The following SHISA9 variants were observed in gnomAD, a reference collection of about 807,000 sequenced individuals.
SHISA9 encodes shisa family member 9, also known as protein shisa-9.
A neutral mutation model predicts 38.0 loss-of-function variants in SHISA9; 13 were observed. The observed-to-expected ratio is 0.34, with a 90% CI of 0.22 to 0.54. The LOEUF (loss-of-function observed/expected upper bound fraction) is 0.54. Ranked by LOEUF, SHISA9 falls within the 20% of genes least tolerant of loss-of-function variation. SHISA9 has a pLI of 0.91. For missense variants in SHISA9, 538 were observed against 575.8 expected, an observed-to-expected ratio of 0.93 and a Z score of 0.67; for synonymous variants, 275 against 242.0, an observed-to-expected ratio of 1.14 and a Z score of -1.27.
intron 2 of SHISA9, among the ~76,000 whole-genome samples, chr16:13,161,941 A>G (rs1355898794): frequency 6.6e-6 from 1 of 152,208 alleles, no homozygotes; most frequent in African/African-American, 2.4e-5. Context: ...ATTTTTCTGC[A>G]TCCATTGAAA....
At chr16:13,414,212 A>G in the SHISA9 span, among the ~76,000 whole-genome samples, 1 of 152,354 alleles carries the variant, frequency 6.6e-6, no homozygotes, top group Non-Finnish European at 1.5e-5. Context: ...TTAATTTAGT[A>G]AACAGGAGGA....
At chr16:13,019,761 TTCTTTTC>T (rs1286759749) in intron 2 of SHISA9, among the ~76,000 whole-genome samples, 2 of 148,580 alleles carry the variant, frequency 1.3e-5, no homozygotes, top group South Asian at 2.2e-4. Context: ...TTTCTTTTCT[TTCTTTTC>T]TTTCTTTCTT....
the SHISA9 span, among the ~76,000 whole-genome samples, chr16:13,412,098 C>T: frequency 7.3e-4 from 111 of 151,842 alleles, no homozygotes; most frequent in Non-Finnish European, 1.3e-3. Context: ...GGCCTATTCT[C>T]GAATGTAAGT....
intron 2 of SHISA9, among the ~76,000 whole-genome samples, chr16:13,048,015 C>T (rs1279114723): frequency 6.6e-6 from 1 of 152,144 alleles, no homozygotes; most frequent in Non-Finnish European, 1.5e-5. Context: ...TTTCAGCATC[C>T]AGGATTCCTG....
chr16:12,933,771 C>A (rs1021885312), intron 2 of SHISA9, among the ~76,000 whole-genome samples: 1 of 152,084 alleles, frequency 6.6e-6, no homozygotes, highest in African/African-American at 2.4e-5. Flanking sequence ...TTCAACAAAT[C>A]TTTTTCTTGT....
At position 13,239,333 on chromosome 16, in the gene SHISA9, G is replaced by A. The variant is rs1386588477; in HGVS notation, c.*3924G>A. On this transcript the variant is annotated 3_prime_UTR_variant, in exon 5 of 5. Coordinates refer to ENST00000558583, the MANE Select transcript of SHISA9 (RefSeq NM_001145204.3). ...TGTCTTTATAGCAGCATGATTTATA[G>A]TCCTTTGGGTATATACCCAGTAATG... 2.0e-5 allele frequency: 3 copies of A among 150,788 alleles called. No homozygotes were observed. The highest frequency in any genetic ancestry group is 4.4e-5 in the Non-Finnish European group (3 of 67,700). 9.3% of individuals were successfully genotyped at this position (150,788 alleles called of 1,614,324 possible).
chr16:13,163,357 C>G (rs2050611515), intron 2 of SHISA9, among the ~76,000 whole-genome samples: 1 of 152,122 alleles, frequency 6.6e-6, no homozygotes, highest in Non-Finnish European at 1.5e-5. Context: ...CCAAAGTTGT[C>G]TTGGCTCTTA....
chr16:13,087,974 A>T (rs2073732232), intron 2 of SHISA9, among the ~76,000 whole-genome samples: 1 of 152,156 alleles, frequency 6.6e-6, no homozygotes, highest in South Asian at 2.1e-4. Flanking sequence ...TTAAGTCTTT[A>T]ATCCATCTTG....
chr16:13,259,245 A>C, the SHISA9 span, among the ~76,000 whole-genome samples: 1 of 152,252 alleles, frequency 6.6e-6, no homozygotes, highest in East Asian at 1.9e-4. Flanking sequence ...CTTTGACTCC[A>C]GGTCTCACAT....
At chr16:13,547,461 A>G in the SHISA9 span, among the ~76,000 whole-genome samples, 1 of 152,184 alleles carries the variant, frequency 6.6e-6, no homozygotes, top group African/African-American at 2.4e-5. Context: ...GAATAAGGAA[A>G]AATGGTGTTG....
chr16:13,313,981 G>A, the SHISA9 span, among the ~76,000 whole-genome samples: 1 of 152,126 alleles, frequency 6.6e-6, no homozygotes, highest in African/African-American at 2.4e-5. Context: ...GTATCAAAAA[G>A]GAAGGTTTGG....
intron 2 of SHISA9, among the ~76,000 whole-genome samples, chr16:13,033,692 G>C (rs1239916666): frequency 6.6e-6 from 1 of 152,164 alleles, no homozygotes; most frequent in African/African-American, 2.4e-5. Flanking sequence ...TGGGTTGGGA[G>C]ACCAATAGGA....
At chr16:13,542,809 C>A in the SHISA9 span, among the ~76,000 whole-genome samples, 125,260 of 152,124 alleles carry the variant, frequency 0.82, 51,784 homozygotes, top group East Asian at 0.99. Context: ...AGGTATTCCA[C>A]CATCAGGGAT....
At chr16:13,359,788 A>C in the SHISA9 span, among the ~76,000 whole-genome samples, 3 of 152,186 alleles carry the variant, frequency 2.0e-5, no homozygotes, top group Admixed American at 6.5e-5. Flanking sequence ...TTCACTGTGC[A>C]CGGGTTACCA....
intron 2 of SHISA9, among the ~76,000 whole-genome samples, chr16:13,142,545 T>C: frequency 6.6e-6 from 1 of 152,200 alleles, no homozygotes; most frequent in Non-Finnish European, 1.5e-5. Context: ...AGTCTTCATA[T>C]AGAGTTGTCT....
the SHISA9 span, among the ~76,000 whole-genome samples, chr16:13,249,750 C>A: frequency 6.6e-6 from 1 of 152,040 alleles, no homozygotes; most frequent in Admixed American, 6.6e-5. Context: ...TATTTTACTT[C>A]TTAGAAACAA....
chr16:13,042,887 TG>T (rs1436170218), intron 2 of SHISA9, among the ~76,000 whole-genome samples: 1 of 152,226 alleles, frequency 6.6e-6, no homozygotes, highest in African/African-American at 2.4e-5. Flanking sequence ...GAAGCATCCC[TG>T]GCACACGGTA....
At chr16:13,289,571 A>AT in the SHISA9 span, among the ~76,000 whole-genome samples, 1 of 152,082 alleles carries the variant, frequency 6.6e-6, no homozygotes, top group Non-Finnish European at 1.5e-5. Flanking sequence ...ATCAGACAAT[A>AT]TATTAGCAGT....
the SHISA9 span, among the ~76,000 whole-genome samples, chr16:13,353,151 G>A: frequency 1.3e-5 from 2 of 152,148 alleles, no homozygotes; most frequent in Non-Finnish European, 2.9e-5. Flanking sequence ...TGGGGGCGGT[G>A]TGGGAACCTA....
Sources: gnomAD v4.1 joint callset for allele counts (sites outside exome capture counted in the v4.1 genomes callset) on GRCh38, gnomAD v4.1.1 for gene constraint, MANE v1.5 for transcripts, NCBI Gene and HGNC (gene_info 2026-07-23, HGNC 2026-07-21) for gene names.